LRRC4C: variants seen among roughly 807,000 people sequenced by gnomAD.
LRRC4C encodes leucine-rich repeat-containing protein 4C.
In LRRC4C, 5 loss-of-function variants were observed where a neutral mutation model predicts 33.6. The observed-to-expected ratio is 0.15, with a 90% CI of 0.08 to 0.31. The LOEUF is 0.31. Ranked by LOEUF, LRRC4C falls within the 10% of genes least tolerant of loss-of-function variation. LRRC4C has a pLI of 1.00. For missense variants in LRRC4C, 560 were observed against 796.7 expected (o/e 0.70, Z 3.58); for synonymous variants, 329 against 302.0 (o/e 1.09, Z -0.93).
At chr11:41,164,745 T>C (rs1020593013) in intron 1 of LRRC4C, among the ~76,000 whole-genome samples, 1 of 152,092 alleles carries the variant, frequency 6.6e-6, no homozygotes, top group Non-Finnish European at 1.5e-5. Context: ...TCTGACATAA[T>C]GTAAAAGAGT....
At chr11:40,730,585 T>C (rs1947515970) in intron 2 of LRRC4C, among the ~76,000 whole-genome samples, 1 of 152,186 alleles carries the variant, frequency 6.6e-6, no homozygotes, top group Admixed American at 6.5e-5. Flanking sequence ...TTTAAAATAG[T>C]GCAAGAACCC....
intron 1 of LRRC4C, among the ~76,000 whole-genome samples, chr11:41,427,213 TA>T (rs145135152): frequency 0.01 from 1,585 of 152,134 alleles, 34 homozygotes; most frequent in African/African-American, 0.036. Flanking sequence ...AAAGTGTTCT[TA>T]GAGTTCTGGA....
intron 1 of LRRC4C, among the ~76,000 whole-genome samples, chr11:40,971,512 T>G (rs549419360): frequency 6.6e-6 from 1 of 152,294 alleles, no homozygotes; most frequent in African/African-American, 2.4e-5. Context: ...AAAGCATGGA[T>G]GTCCATGCAG....
intron 2 of LRRC4C, among the ~76,000 whole-genome samples, chr11:40,930,096 C>T (rs966794771): frequency 5.3e-5 from 8 of 152,036 alleles, no homozygotes; most frequent in Non-Finnish European, 1.0e-4. Flanking sequence ...ATGCAGGACC[C>T]GGGGCTAATA....
At chr11:40,494,962 T>C (rs11035873) in intron 3 of LRRC4C, among the ~76,000 whole-genome samples, 19,374 of 152,214 alleles carry the variant, frequency 0.13, 1,397 homozygotes, top group African/African-American at 0.18. Context: ...ATTGTATCGC[T>C]CTCATAGAAT....
chr11:41,331,746 G>T (rs138704751), intron 1 of LRRC4C, among the ~76,000 whole-genome samples: 1 of 152,078 alleles, frequency 6.6e-6, no homozygotes, highest in Admixed American at 6.6e-5. Flanking sequence ...GAAGTCAAAC[G>T]CAGGATGAAA....
intron 2 of LRRC4C, among the ~76,000 whole-genome samples, chr11:40,722,600 G>C (rs1314279081): frequency 6.6e-6 from 1 of 152,084 alleles, no homozygotes; most frequent in Non-Finnish European, 1.5e-5. Flanking sequence ...AGAACAAAGA[G>C]CCCCTTCTGA....
At chr11:40,528,460 C>G (rs922216043) in intron 3 of LRRC4C, among the ~76,000 whole-genome samples, 3 of 151,088 alleles carry the variant, frequency 2.0e-5, no homozygotes, top group Admixed American at 6.6e-5. Context: ...TAGCTCACAG[C>G]TATTACGATG....
At chr11:40,793,798 T>A (rs1244337711) in intron 2 of LRRC4C, among the ~76,000 whole-genome samples, 1 of 152,202 alleles carries the variant, frequency 6.6e-6, no homozygotes, top group Non-Finnish European at 1.5e-5. Flanking sequence ...ATAAATCATT[T>A]TCAACTTCTT....
At chr11:40,440,866 A>AT (rs58954858) in intron 3 of LRRC4C, among the ~76,000 whole-genome samples, 84,302 of 148,766 alleles carry the variant, frequency 0.57, 23,872 homozygotes, top group Non-Finnish European at 0.61. Context: ...CCAGTAGGGA[A>AT]TTTTTTTTTT....
At chr11:41,160,512 C>T (rs181271276) in intron 1 of LRRC4C, among the ~76,000 whole-genome samples, 4 of 152,056 alleles carry the variant, frequency 2.6e-5, no homozygotes, top group Admixed American at 6.6e-5. Flanking sequence ...TTGTCCTGAA[C>T]ATGAGTTGCT....
At position 41,433,573 on chromosome 11, in the gene LRRC4C, C is replaced by G. The variant is rs953250451; in HGVS notation, c.-496+25858G>C. On this transcript the variant is annotated intron_variant, in intron 1 of 6. Transcript: ENST00000528697. ...TGAATCTGGGTGGGCACCATCTAAT[C>G]AGCTGCCAGCTAACACAAAGCAGAC... 2.0e-5 allele frequency among the ~76,000 whole-genome samples: 3 copies of G among 152,120 alleles called. 1 individual carries two copies. In the South Asian group the frequency reaches 6.2e-4, roughly 32 times the overall value.
At chr11:40,307,693 G>C (rs553648431) in intron 4 of LRRC4C, among the ~76,000 whole-genome samples, 2 of 152,278 alleles carry the variant, frequency 1.3e-5, no homozygotes, top group South Asian at 4.1e-4. Context: ...AGATAAATGA[G>C]CACAGTTGCT....
At chr11:41,384,922 C>A (rs961090404) in intron 1 of LRRC4C, among the ~76,000 whole-genome samples, 6 of 149,116 alleles carry the variant, frequency 4.0e-5, no homozygotes, top group African/African-American at 1.5e-4. Context: ...GTATACTATA[C>A]CATTTACAAA....
At chr11:40,750,661 G>A (rs1285651078) in intron 2 of LRRC4C, among the ~76,000 whole-genome samples, 4 of 112,996 alleles carry the variant, frequency 3.5e-5, no homozygotes, top group African/African-American at 1.3e-4. Flanking sequence ...TGTGGGGTGG[G>A]GGGAGGGGGG....
chr11:40,541,706 T>G (rs1956715460), intron 3 of LRRC4C, among the ~76,000 whole-genome samples: 2 of 152,128 alleles, frequency 1.3e-5, no homozygotes, highest in Non-Finnish European at 2.9e-5. Context: ...TTCACTAAAT[T>G]TCATATTTCC....
chr11:41,380,926 A>G (rs749250026), intron 1 of LRRC4C, among the ~76,000 whole-genome samples: 1 of 152,178 alleles, frequency 6.6e-6, no homozygotes, highest in Admixed American at 6.6e-5. Context: ...AAGAAAACTT[A>G]TCACTATTAA....
At chr11:40,903,964 T>C (rs1956313379) in intron 2 of LRRC4C, among the ~76,000 whole-genome samples, 2 of 151,996 alleles carry the variant, frequency 1.3e-5, no homozygotes, top group South Asian at 4.1e-4. Flanking sequence ...AATATATATT[T>C]AATAAAATAC....
chr11:41,180,792 T>C lies in LRRC4C; in HGVS notation c.-495-247069A>G, dbSNP rs557738257. Among the ~76,000 whole-genome samples, 9 of 152,126 alleles carry C rather than the reference T, an allele frequency of 5.9e-5. No individual in the cohort carries two copies. The South Asian group carries it at 1.3e-3, about 21-fold the overall frequency. ...TACAGATCTCTGTCCTGTTAGCTAA[T>C]TGGTATCATTATCCTAAGATATCTT... On this transcript the variant is annotated intron_variant, in intron 1 of 6. Transcript: ENST00000528697.
Sources: gnomAD v4.1 joint callset for allele counts (sites outside exome capture counted in the v4.1 genomes callset) on GRCh38, gnomAD v4.1.1 for gene constraint, MANE v1.5 for transcripts, NCBI Gene and HGNC (gene_info 2026-07-23, HGNC 2026-07-21) for gene names.